The following GRIK4 variants were observed in gnomAD, a reference collection of about 807,000 sequenced individuals.
The protein encoded by GRIK4 is glutamate ionotropic receptor kainate type subunit 4.
In GRIK4, 40 loss-of-function variants were observed where a neutral mutation model predicts 104.9. That is an observed-to-expected ratio of 0.38 (90% CI 0.30 to 0.50). The LOEUF (loss-of-function observed/expected upper bound fraction) is 0.50. GRIK4 is among the 20% of genes least tolerant of loss of function. The pLI is 0.93. For missense variants in GRIK4, 1,047 were observed against 1,308.1 expected (o/e 0.80, Z 3.08); for synonymous variants, 485 against 524.9 (o/e 0.92, Z 1.04).
At chr11:120,636,369 A>G (rs1949396808) in intron 1 of GRIK4, among the ~76,000 whole-genome samples, 1 of 152,188 alleles carries the variant, frequency 6.6e-6, no homozygotes, top group African/African-American at 2.4e-5. Flanking sequence ...ATGAATAGTG[A>G]TATTTTCAGT....
intron 13 of GRIK4, among the ~76,000 whole-genome samples, chr11:120,907,019 A>G (rs1375247579): frequency 6.6e-6 from 1 of 152,206 alleles, no homozygotes; most frequent in African/African-American, 2.4e-5. Context: ...TTCAGCAGAA[A>G]GCCCTCTGCA....
At chr11:120,560,327 C>T (rs895456674) in intron 1 of GRIK4, among the ~76,000 whole-genome samples, 1 of 152,058 alleles carries the variant, frequency 6.6e-6, no homozygotes, top group African/African-American at 2.4e-5. Context: ...GCTAGGATTA[C>T]AGGAGTGAGC....
At chr11:120,636,041 G>A (rs1186147835) in intron 1 of GRIK4, among the ~76,000 whole-genome samples, 3 of 152,180 alleles carry the variant, frequency 2.0e-5, no homozygotes, top group South Asian at 4.1e-4. Flanking sequence ...TACCCTTTGC[G>A]TCTGGCTTTC....
intron 14 of GRIK4, among the ~76,000 whole-genome samples, chr11:120,950,126 G>A (rs1432977497): frequency 6.6e-6 from 1 of 152,168 alleles, no homozygotes; most frequent in Admixed American, 6.5e-5. Context: ...TGGCATCATA[G>A]AGACAGCATG....
chr11:120,818,375 A>T (rs1327205065), intron 5 of GRIK4, among the ~76,000 whole-genome samples: 1 of 152,112 alleles, frequency 6.6e-6, no homozygotes, highest in Non-Finnish European at 1.5e-5. Context: ...CTTTAGACAG[A>T]GTGGATGGGA....
At position 120,908,436 on chromosome 11, in the gene GRIK4, C is replaced by T. The variant is rs9704035; in HGVS notation, c.1476+2943C>T. Among the ~76,000 whole-genome samples the T allele has an allele frequency of 8.8e-3, 507 of 57,408 alleles. 1 individual carries two copies. Among genetic ancestry groups the T allele is most frequent in the African/African-American group, 0.024 (473 of 19,480 alleles). The allele number at this position is 57,408 out of a possible 152,430, so 37.7% of individuals were successfully genotyped here. A position where few individuals can be genotyped will look rare whatever the true frequency, so the allele number is the denominator to read the frequency against. ...AGATTTAAAATAACACACACACACA[C>T]ATACACACACACACACACACACACA... On this transcript the variant is annotated intron_variant, in intron 13 of 20. Transcript: ENST00000527524.
chr11:120,759,779 T>C (rs1951715275), intron 3 of GRIK4, among the ~76,000 whole-genome samples: 1 of 152,196 alleles, frequency 6.6e-6, no homozygotes. Context: ...GTAAATATTT[T>C]AGGCTTTGTG....
rs993847103 is a variant in GRIK4 at position 120,616,306 on chromosome 11, G to A, written c.-158-37379G>A. Among the ~76,000 whole-genome samples the A allele has an allele frequency of 5.3e-5, 8 of 152,150 alleles. 1 individual carries two copies. The South Asian group carries it at 1.0e-3, about 20-fold the overall frequency. On this transcript the variant is annotated intron_variant, in intron 1 of 20. Transcript: ENST00000527524. The stretch of plus-strand genomic sequence containing the variant: ...ATGGATTGTGACCACTCAGCTTGTG[G>A]GTCAATAATCCCTTTACTAAGAGAT...
intron 13 of GRIK4, among the ~76,000 whole-genome samples, chr11:120,935,874 G>GT (rs1001772708): frequency 1.3e-5 from 2 of 152,142 alleles, no homozygotes; most frequent in African/African-American, 4.8e-5. Context: ...ATTCAGTAGT[G>GT]TGTTAACTAT....
At position 120,982,148 on chromosome 11, in the gene GRIK4, T is replaced by C; in HGVS notation, c.2438T>C (p.Ile813Thr). Reference sequence around the variant, plus strand: ...ATTGGTGGAATCTTTGTGGTTCTTATTTGTGGCTTAATCGTGGCCATTTTT... The same window carrying C: ...ATTGGTGGAATCTTTGTGGTTCTTACTTGTGGCTTAATCGTGGCCATTTTT... ...ENIGGIFVVL[I>T]CGLIVAIFMA... The change falls in exon 20 of 21, where the codon ATT becomes ACT. Residue 813 changes from isoleucine (I) to threonine (T), a missense_variant. By Grantham distance (89) the Ile-to-Thr change is moderately conservative. Coordinates refer to ENST00000527524, the MANE Select transcript of GRIK4 (RefSeq NM_014619.5). 1 of 1,613,468 alleles carries C rather than the reference T, an allele frequency of 6.2e-7. No homozygotes were observed. The highest frequency in any genetic ancestry group is 2.2e-5 in the East Asian group (1 of 44,878).
intron 3 of GRIK4, among the ~76,000 whole-genome samples, chr11:120,720,391 C>A (rs1446700965): frequency 2.6e-5 from 4 of 152,182 alleles, no homozygotes; most frequent in African/African-American, 9.7e-5. Flanking sequence ...ATAGATTTTC[C>A]CATTGCATTC....
intron 3 of GRIK4, among the ~76,000 whole-genome samples, chr11:120,743,102 T>G (rs1004937043): frequency 6.6e-6 from 1 of 151,880 alleles, no homozygotes; most frequent in Non-Finnish European, 1.5e-5. Flanking sequence ...TGGTGGCGGG[T>G]GCCTGTAATC....
At chr11:120,539,834 A>C (rs1948014839) in intron 1 of GRIK4, among the ~76,000 whole-genome samples, 1 of 152,214 alleles carries the variant, frequency 6.6e-6, no homozygotes, top group African/African-American at 2.4e-5. Context: ...GCAGCCAGAT[A>C]AAGGGAAACA....
At chr11:120,817,678 T>C (rs942825383) in intron 5 of GRIK4, among the ~76,000 whole-genome samples, 62 of 152,292 alleles carry the variant, frequency 4.1e-4, no homozygotes, top group African/African-American at 1.3e-3. Flanking sequence ...ACATTGAGTA[T>C]AGATCGATCT....
At chr11:120,519,821 C>A (rs1947773821) in intron 1 of GRIK4, among the ~76,000 whole-genome samples, 1 of 151,030 alleles carries the variant, frequency 6.6e-6, no homozygotes, top group African/African-American at 2.4e-5. Flanking sequence ...ATGCACTAAT[C>A]CCTCCCTAAT....
At chr11:120,820,532 A>C (rs1953091003) in intron 6 of GRIK4, among the ~76,000 whole-genome samples, 1 of 152,230 alleles carries the variant, frequency 6.6e-6, no homozygotes, top group South Asian at 2.1e-4. Flanking sequence ...TAGCTAATTT[A>C]AGCCAGCACC....
intron 14 of GRIK4, among the ~76,000 whole-genome samples, chr11:120,942,453 C>G (rs1199562785): frequency 6.6e-6 from 1 of 152,184 alleles, no homozygotes; most frequent in East Asian, 1.9e-4. Context: ...AGCCACTCAA[C>G]TAGGCTCTGG....
Position 120,988,480 on chromosome 11 carries a change from T to A in GRIK4, c.*2220T>A, listed in dbSNP as rs555727262. On this transcript the variant is annotated 3_prime_UTR_variant, in exon 21 of 21. Coordinates refer to ENST00000527524, the MANE Select transcript of GRIK4 (RefSeq NM_014619.5). ...ATCTTGATCAATAGCAAACTTTTTTTAATGGATTAGTGAAATAAATGTCCC... is the reference window on the plus strand; with the variant it reads ...ATCTTGATCAATAGCAAACTTTTTTAAATGGATTAGTGAAATAAATGTCCC... 6.6e-6 allele frequency: 1 copy of A among 152,352 alleles called. No homozygotes were observed. The highest frequency in any genetic ancestry group is 1.5e-5 in the Non-Finnish European group (1 of 68,038). The allele number at this position is 152,352 out of a possible 1,614,324, so 9.4% of individuals were successfully genotyped here.
intron 1 of GRIK4, among the ~76,000 whole-genome samples, chr11:120,622,881 T>C (rs12271466): frequency 0.018 from 2,698 of 152,334 alleles, 78 homozygotes; most frequent in African/African-American, 0.06. Context: ...TGTGGTTTAC[T>C]TAGGGCCCCC....
Sources: gnomAD v4.1 joint callset for allele counts (sites outside exome capture counted in the v4.1 genomes callset) on GRCh38, gnomAD v4.1.1 for gene constraint, MANE v1.5 for transcripts, NCBI Gene and HGNC (gene_info 2026-07-23, HGNC 2026-07-21) for gene names.